Variants in UHRF2 observed in about 807,000 individuals in gnomAD.
UHRF2 encodes the protein E3 ubiquitin-protein ligase UHRF2.
A neutral mutation model predicts 96.8 loss-of-function variants in UHRF2; 23 were observed. The ratio of observed to expected loss-of-function variants is 0.24; its 90% confidence interval spans 0.17 to 0.34. The LOEUF is 0.34. Ranked by LOEUF, UHRF2 falls within the 10% of genes least tolerant of loss-of-function variation. The pLI, the probability that UHRF2 is intolerant of heterozygous loss-of-function variation, is 1.00. For missense variants in UHRF2, 685 were observed against 981.5 expected, an observed-to-expected ratio of 0.70 and a Z score of 4.04; for synonymous variants, 385 against 332.6, an observed-to-expected ratio of 1.16 and a Z score of -1.72.
chr9:6,504,735 C>A, intron 15 of UHRF2, 44 bp downstream of exon 15: 1 of 1,480,480 alleles, frequency 6.8e-7, no homozygotes, highest in Non-Finnish European at 9.4e-7. Context: ...GGTATGAAGG[C>A]ACACTAATTT....
At chr9:6,471,662 A>G (rs1052049392) in intron 4 of UHRF2, among the ~76,000 whole-genome samples, 6 of 152,170 alleles carry the variant, frequency 3.9e-5, no homozygotes, top group Admixed American at 6.5e-5. Context: ...CTGCAATCTC[A>G]TGAAAGATCT....
At chr9:6,481,134 C>A (rs968376694) in intron 6 of UHRF2, among the ~76,000 whole-genome samples, 1 of 152,122 alleles carries the variant, frequency 6.6e-6, no homozygotes, top group Non-Finnish European at 1.5e-5. Context: ...GGCTAAAGGA[C>A]AAACAAGCAT....
intron 3 of UHRF2, among the ~76,000 whole-genome samples, chr9:6,449,061 G>T (rs974123278): frequency 2.0e-5 from 3 of 152,076 alleles, no homozygotes; most frequent in African/African-American, 7.2e-5. Flanking sequence ...TTATTTTGAA[G>T]CAAGTCCTGA....
intron 15 of UHRF2, 91 bp downstream of exon 15, chr9:6,504,782 G>T: frequency 2.0e-6 from 2 of 1,007,260 alleles, no homozygotes; most frequent in South Asian, 1.7e-5. Flanking sequence ...AGCATTTTCC[G>T]TGAAGCGGGA....
intron 4 of UHRF2, among the ~76,000 whole-genome samples, chr9:6,474,155 C>T (rs1823419295): frequency 6.6e-6 from 1 of 152,126 alleles, no homozygotes; most frequent in Non-Finnish European, 1.5e-5. Context: ...ATTCCTATGT[C>T]TTCTGTCATT....
chr9:6,449,565 A>G (rs1402327762), intron 3 of UHRF2: 1 of 152,248 alleles, frequency 6.6e-6, no homozygotes, highest in Non-Finnish European at 1.5e-5. Context: ...AGTTTGCAGA[A>G]AAGAGTTAAC....
chr9:6,503,393 G>A, intron 14 of UHRF2, among the ~76,000 whole-genome samples: 1 of 150,900 alleles, frequency 6.6e-6, no homozygotes, highest in South Asian at 2.1e-4. Flanking sequence ...AAAAAAACTA[G>A]TTTTCCTTCT....
At position 6,444,603 on chromosome 9, in the gene UHRF2, C is replaced by T. The variant is rs539527262; in HGVS notation, c.644+10430C>T. 1.8e-3 allele frequency among the ~76,000 whole-genome samples: 280 copies of T among 152,130 alleles called. 1 individual carries two copies. Among genetic ancestry groups the T allele is most frequent in the South Asian group, 0.016 (77 of 4,822 alleles). On this transcript the variant is annotated intron_variant, in intron 3 of 15. Transcript: ENST00000276893. Reference sequence around the variant, plus strand: ...GGGCCTTGGGTAGGGCCTAAGAATCCGCTTTTTTTTTGGTTTAGACTGAGT... The same window carrying T: ...GGGCCTTGGGTAGGGCCTAAGAATCTGCTTTTTTTTTGGTTTAGACTGAGT...
At chr9:6,479,995 G>A (rs1445098005) in intron 6 of UHRF2, among the ~76,000 whole-genome samples, 1 of 152,078 alleles carries the variant, frequency 6.6e-6, no homozygotes, top group Non-Finnish European at 1.5e-5. Context: ...TCATCTGTTT[G>A]AAACCCTCTG....
intron 15 of UHRF2, among the ~76,000 whole-genome samples, chr9:6,505,470 A>G (rs908157269): frequency 4.6e-5 from 7 of 151,828 alleles, no homozygotes; most frequent in African/African-American, 1.5e-4. Context: ...TAATTTTTGT[A>G]TTTTTTAGTA....
intron 2 of UHRF2, among the ~76,000 whole-genome samples, chr9:6,422,414 A>T (rs556834871): frequency 6.6e-6 from 1 of 151,378 alleles, no homozygotes; most frequent in Non-Finnish European, 1.5e-5. Context: ...TATCTCCCCA[A>T]TTTCTTTCCT....
chr9:6,447,029 C>A (rs1484680000), intron 3 of UHRF2, among the ~76,000 whole-genome samples: 2 of 151,980 alleles, frequency 1.3e-5, no homozygotes, highest in Non-Finnish European at 2.9e-5. Context: ...GCTGGGACCA[C>A]AGGTGCCTGC....
At chr9:6,484,099 G>T (rs1294866317) in intron 8 of UHRF2, among the ~76,000 whole-genome samples, 2 of 147,224 alleles carry the variant, frequency 1.4e-5, no homozygotes, top group East Asian at 4.0e-4. Flanking sequence ...AAGAGACAGG[G>T]TCTTGCTCTA....
At chr9:6,459,138 G>A (rs1243952485) in intron 3 of UHRF2, among the ~76,000 whole-genome samples, 1 of 152,134 alleles carries the variant, frequency 6.6e-6, no homozygotes, top group Non-Finnish European at 1.5e-5. Flanking sequence ...GATGGGTGCA[G>A]CAAACCACCG....
chr9:6,419,250 A>C (rs1475521790), intron 1 of UHRF2, among the ~76,000 whole-genome samples: 1 of 152,230 alleles, frequency 6.6e-6, no homozygotes, highest in African/African-American at 2.4e-5. Flanking sequence ...CCTCTTTAAA[A>C]GACTGTTTCC....
At chr9:6,429,181 G>C (rs867060977) in intron 2 of UHRF2, among the ~76,000 whole-genome samples, 1 of 151,024 alleles carries the variant, frequency 6.6e-6, no homozygotes, top group African/African-American at 2.4e-5. Context: ...AAAAAAAAAA[G>C]GAAGATGGTA....
At chr9:6,493,169 A>G (rs1352549973) in intron 9 of UHRF2, among the ~76,000 whole-genome samples, 1 of 151,978 alleles carries the variant, frequency 6.6e-6, no homozygotes, top group African/African-American at 2.4e-5. Context: ...GTAGTGGCAC[A>G]TTCCTGTAAT....
chr9:6,460,111 G>T (rs566824099), intron 3 of UHRF2, among the ~76,000 whole-genome samples: 1 of 152,358 alleles, frequency 6.6e-6, no homozygotes, highest in Admixed American at 6.5e-5. Flanking sequence ...GCTCTGGGAA[G>T]TCAAATCATG....
At chr9:6,438,020 A>G (rs1392126459) in intron 3 of UHRF2, among the ~76,000 whole-genome samples, 2 of 152,206 alleles carry the variant, frequency 1.3e-5, no homozygotes, top group African/African-American at 4.8e-5. Context: ...TGCCTTAAAA[A>G]CAATACCATC....
Sources: gnomAD v4.1 joint callset for allele counts (sites outside exome capture counted in the v4.1 genomes callset) on GRCh38, gnomAD v4.1.1 for gene constraint, MANE v1.5 for transcripts, NCBI Gene and HGNC (gene_info 2026-07-23, HGNC 2026-07-21) for gene names.